MAP3K19: variants seen among roughly 807,000 people sequenced by gnomAD.
MAP3K19 encodes SPS1/STE20-related protein kinase YSK4.
Under a neutral mutation model 114.4 loss-of-function variants are expected in MAP3K19, and 91 were observed. The observed-to-expected ratio is 0.80, with a 90% CI of 0.67 to 0.95. MAP3K19 has a LOEUF of 0.95. MAP3K19 is among the 40% of genes least tolerant of loss of function. The pLI is 0.00. For missense variants in MAP3K19, 1,471 were observed against 1,573.2 expected (o/e 0.94, Z 1.10); for synonymous variants, 518 against 530.5 (o/e 0.98, Z 0.32).
chr2:135,008,124 A>T (rs1398341058), intron 5 of MAP3K19, among the ~76,000 whole-genome samples: 6 of 151,354 alleles, frequency 4.0e-5, no homozygotes, highest in African/African-American at 1.5e-4. Context: ...TCATAACAGT[A>T]CTTCTTTTTT....
At chr2:134,995,493 G>A (rs1685920387) in intron 8 of MAP3K19, among the ~76,000 whole-genome samples, 1 of 151,632 alleles carries the variant, frequency 6.6e-6, no homozygotes, top group African/African-American at 2.4e-5. Flanking sequence ...AGGCCAGGAG[G>A]GTCCAGGAGC....
intron 12 of MAP3K19, 30 bp downstream of exon 12, chr2:134,980,791 A>G (rs754034518): frequency 1.6e-5 from 26 of 1,590,912 alleles, no homozygotes; most frequent in South Asian, 5.6e-5. Context: ...CCGGGCATTT[A>G]TCTTCCTCCT....
chr2:135,004,158 T>A (rs866530459), intron 6 of MAP3K19, among the ~76,000 whole-genome samples: 101 of 152,170 alleles, frequency 6.6e-4, no homozygotes, highest in African/African-American at 2.0e-3. Context: ...TGGTGAGTTA[T>A]CTCCATATGG....
intron 2 of MAP3K19, among the ~76,000 whole-genome samples, chr2:135,031,703 T>C (rs1688384061): frequency 6.6e-6 from 1 of 152,172 alleles, no homozygotes; most frequent in Non-Finnish European, 1.5e-5. Context: ...AGTGGCCTCA[T>C]GGAGAGACGA....
At chr2:134,968,150 A>G (rs1441435845) in intron 12 of MAP3K19, among the ~76,000 whole-genome samples, 1 of 152,148 alleles carries the variant, frequency 6.6e-6, no homozygotes, top group East Asian at 1.9e-4. Flanking sequence ...GACACAGCAC[A>G]TGTTTCAGAG....
intron 5 of MAP3K19, among the ~76,000 whole-genome samples, chr2:135,009,117 A>AT (rs1687036933): frequency 7.9e-6 from 1 of 126,724 alleles, no homozygotes; most frequent in Non-Finnish European, 1.5e-5. Context: ...ATGCCTGGCT[A>AT]ATTTTTTTTT....
At chr2:135,024,248 A>G (rs544309124) in intron 4 of MAP3K19, among the ~76,000 whole-genome samples, 2 of 152,204 alleles carry the variant, frequency 1.3e-5, no homozygotes, top group African/African-American at 4.8e-5. Flanking sequence ...CACACTTTTC[A>G]TTATACTTCT....
intron 4 of MAP3K19, among the ~76,000 whole-genome samples, chr2:135,022,444 T>C (rs1688047080): frequency 2.0e-5 from 3 of 152,170 alleles, no homozygotes; most frequent in Non-Finnish European, 2.9e-5. Context: ...TGGTGGAAGA[T>C]TAGGAGATGC....
At chr2:134,996,357 T>C (rs149313797) in intron 8 of MAP3K19, among the ~76,000 whole-genome samples, 1 of 152,040 alleles carries the variant, frequency 6.6e-6, no homozygotes, top group East Asian at 1.9e-4. Context: ...ATTATTGTTA[T>C]TATTAATTAA....
chr2:135,046,327 G>T (rs576002331), intron 1 of MAP3K19, among the ~76,000 whole-genome samples: 1 of 152,104 alleles, frequency 6.6e-6, no homozygotes, highest in African/African-American at 2.4e-5. Context: ...GCCCAGACTG[G>T]AGTACAGTGG....
Position 134,986,935 on chromosome 2 carries a change from T to C in MAP3K19, c.1937A>G (p.Tyr646Cys), listed in dbSNP as rs1685175024. Residue 646 changes from tyrosine (Y) to cysteine (C), a missense_variant, in exon 10 of 13, where the codon TAT (tyrosine) becomes TGT (cysteine). By Grantham distance (194) the Tyr-to-Cys change is radical (BLOSUM62 -2). Transcript: ENST00000392915. ...EPRLNYLDLKYSDMFKEINST... is the reference protein window; with the variant it reads ...EPRLNYLDLKCSDMFKEINST... ...ATTGATTTCTTTGAACATATCACTA[T>C]ACTTAAGATCTAGGTAATTTAGTCT... is the stretch of plus-strand genomic sequence containing the variant. 1.9e-6 allele frequency: 3 copies of C among 1,614,110 alleles called. No homozygotes were observed. Among genetic ancestry groups the C allele is most frequent in the Non-Finnish European group, 2.5e-6 (3 of 1,180,030 alleles).
chr2:135,011,122 C>T (rs537893064), intron 5 of MAP3K19, among the ~76,000 whole-genome samples: 1 of 152,172 alleles, frequency 6.6e-6, no homozygotes, highest in Admixed American at 6.5e-5. Flanking sequence ...GGATTTAAAC[C>T]CCAGTTAAAC....
intron 9 of MAP3K19, among the ~76,000 whole-genome samples, chr2:134,990,620 G>A (rs183917120): frequency 8.4e-4 from 128 of 151,970 alleles, no homozygotes; most frequent in African/African-American, 3.0e-3. Flanking sequence ...GGGACTACAG[G>A]CACCCGCCAC....
chr2:135,037,733 A>G (rs1000180391), intron 2 of MAP3K19, among the ~76,000 whole-genome samples: 1 of 152,160 alleles, frequency 6.6e-6, no homozygotes, highest in Non-Finnish European at 1.5e-5. Flanking sequence ...AGCTTTGCTC[A>G]CTGCACATTG....
rs769708893 is a variant in MAP3K19, at chr2:134,999,077, T to C, written c.315-80A>G. 6.6e-5 allele frequency: 98 copies of C among 1,476,498 alleles called. No homozygotes were observed. In the Middle Eastern group the frequency reaches 1.8e-3, roughly 27 times the overall value. The allele number at this position is 1,476,498 out of a possible 1,614,324, so 91.5% of individuals were successfully genotyped here. Reference sequence around the variant, plus strand: ...CTCCAGTCCTCAGTTCAGCCTGACATCACTAGAAAGTTTGAAGAACTACTT... The same window carrying C: ...CTCCAGTCCTCAGTTCAGCCTGACACCACTAGAAAGTTTGAAGAACTACTT... On this transcript the variant is annotated intron_variant, in intron 7 of 12. Transcript: ENST00000392915. The surrounding 1 kb of genome is among the most constrained non-coding windows in gnomAD (Gnocchi z 4.1).
In MAP3K19 at chr2:134,999,115, G is replaced by C. The variant is rs547170234; in HGVS notation, c.315-118C>G. 3.3e-6 allele frequency: 4 copies of C among 1,198,336 alleles called. No homozygotes were observed. The African/African-American group carries it at 4.6e-5, about 14-fold the overall frequency. The allele number at this position is 1,198,336 out of a possible 1,614,324, so 74.2% of individuals were successfully genotyped here. On this transcript the variant is annotated intron_variant, in intron 7 of 12. Transcript: ENST00000392915. The surrounding 1 kb of genome is among the most constrained non-coding windows in gnomAD (Gnocchi z 4.1). The stretch of plus-strand genomic sequence containing the variant: ...TGAAGAACTACTTCCAAATGGTGCT[G>C]CTGAAAGGAAAGGCTGAATCCTGAG...
At chr2:135,035,025 CATT>C (rs1436216619) in intron 2 of MAP3K19, among the ~76,000 whole-genome samples, 3 of 152,080 alleles carry the variant, frequency 2.0e-5, no homozygotes, top group East Asian at 1.9e-4. Flanking sequence ...ACCTTGAAAA[CATT>C]ATGCTAAGTG....
intron 1 of MAP3K19, among the ~76,000 whole-genome samples, chr2:135,043,975 A>G (rs1688693052): frequency 6.6e-6 from 1 of 152,250 alleles, no homozygotes; most frequent in East Asian, 1.9e-4. Context: ...TAGAATAGAT[A>G]TTAGTTTCCC....
rs545313630 is a variant in MAP3K19 at position 135,004,319 on chromosome 2, T to G, written c.235+1116A>C. ...GGGTTTATTTTCTTTCTGTTAGCTC[T>G]TTCAGGCTTAATGGTTTTCATAATT... On this transcript the variant is annotated intron_variant, in intron 6 of 12. Transcript: ENST00000392915. Among the ~76,000 whole-genome samples, 9 of 152,354 alleles carry G rather than the reference T, an allele frequency of 5.9e-5. No individual in the cohort carries two copies. In the South Asian group the frequency reaches 8.3e-4, roughly 14 times the overall value.
Sources: gnomAD v4.1 joint callset for allele counts (sites outside exome capture counted in the v4.1 genomes callset) on GRCh38, gnomAD v4.1.1 for gene constraint, Gnocchi (gnomAD v3.1) non-coding constraint, MANE v1.5 for transcripts, NCBI Gene and HGNC (gene_info 2026-07-23, HGNC 2026-07-21) for gene names.